Variants in LRRC38 observed in about 807,000 individuals in gnomAD.
LRRC38 encodes leucine-rich repeat-containing protein 38.
A neutral mutation model predicts 16.4 loss-of-function variants in LRRC38; 5 were observed. That is an observed-to-expected ratio of 0.31 (90% CI 0.16 to 0.64). The LOEUF (loss-of-function observed/expected upper bound fraction) is 0.64, where lower values mean the gene tolerates loss of function less well. Ranked by LOEUF, LRRC38 falls within the 30% of genes least tolerant of loss-of-function variation. The probability of loss-of-function intolerance (pLI) is 0.80; values close to 1 mark genes in which losing one functional copy is unlikely to be tolerated. For missense variants in LRRC38, 341 were observed against 401.8 expected (o/e 0.85, Z 1.29); for synonymous variants, 191 against 190.2 (o/e 1.00, Z -0.04).
chr1:13,490,730 G>A (rs2100502991), intron 1 of LRRC38, among the ~76,000 whole-genome samples: 1 of 152,268 alleles, frequency 6.6e-6, no homozygotes, highest in East Asian at 1.9e-4. Context: ...AGGAAATCTA[G>A]GAATGGTCCA....
At chr1:13,495,186 T>G (rs1053221667) in intron 1 of LRRC38, among the ~76,000 whole-genome samples, 5 of 152,174 alleles carry the variant, frequency 3.3e-5, no homozygotes, top group African/African-American at 1.2e-4. Context: ...GAGGATGAGC[T>G]GGTGACATAC....
At chr1:13,485,624 C>G (rs1638923142) in intron 1 of LRRC38, among the ~76,000 whole-genome samples, 1 of 152,066 alleles carries the variant, frequency 6.6e-6, no homozygotes, top group Non-Finnish European at 1.5e-5. Flanking sequence ...CACTAAGACC[C>G]AGAGGGTCCT....
At chr1:13,501,869 T>G (rs1339163566) in intron 1 of LRRC38, among the ~76,000 whole-genome samples, 1 of 152,110 alleles carries the variant, frequency 6.6e-6, no homozygotes, top group Non-Finnish European at 1.5e-5. Flanking sequence ...TTCACACCAT[T>G]CTCCTGCCTC....
rs1553136768 is a variant in LRRC38, at chr1:13,504,864, AAAAAGAGAAAG to A, written c.631+8088_631+8098del. 5.0e-5 allele frequency among the ~76,000 whole-genome samples: 7 copies of A among 139,830 alleles called. No homozygotes were observed. The South Asian group carries it at 1.8e-3, about 36-fold the overall frequency. The allele number at this position is 139,830 out of a possible 152,430, so 91.7% of individuals were successfully genotyped here. A position where few individuals can be genotyped will look rare whatever the true frequency, so the allele number is the denominator to read the frequency against. On this transcript the variant is annotated intron_variant, in intron 1 of 1. Transcript: ENST00000376085. ...AAAGAAAGAAAAGAAAAGAAAAAAG[AAAAAGAGAAAG>A]AAAAGAGAAACAAAGAAAGAAAAAA...
At position 13,487,755 on chromosome 1, in the gene LRRC38, T is replaced by G. The variant is rs16850719; in HGVS notation, c.632-11656A>C. 6.6e-4 allele frequency among the ~76,000 whole-genome samples: 100 copies of G among 152,262 alleles called. No individual in the cohort carries two copies. Among genetic ancestry groups the G allele is most frequent in the African/African-American group, 2.4e-3 (100 of 41,548 alleles). ...AGCGGATGTTAGATTGAGATTAATC[T>G]CTTGCACCGGACCGGCCCCTTGCCA... On this transcript the variant is annotated intron_variant, in intron 1 of 1. Transcript: ENST00000376085. The surrounding 1 kb of genome is among the most constrained non-coding windows in gnomAD (Gnocchi z 4.4).
intron 1 of LRRC38, among the ~76,000 whole-genome samples, chr1:13,485,662 T>G (rs948054871): frequency 2.6e-5 from 4 of 152,116 alleles, no homozygotes; most frequent in Non-Finnish European, 5.9e-5. Context: ...GCACAATGTC[T>G]TGTCAATCTG....
Position 13,513,313 on chromosome 1 carries a change from G to T in LRRC38, c.281C>A (p.Ser94Ter), listed in dbSNP as rs1392717877. The T allele has an allele frequency of 1.3e-6, 2 of 1,550,802 alleles. No homozygotes were observed. Among genetic ancestry groups the T allele is most frequent in the African/African-American group, 2.7e-5 (2 of 73,050 alleles). ...YLDFRNNSLR[S>*]LEEGTFSGSA... ...GCCGCTGAACGTGCCCTCCTCCAGC[G>T]AGCGCAGCGAGTTGTTCCTGAAGTC... The change falls in exon 1 of 2, where the codon TCG (serine) becomes TAG (stop). Residue 94 changes from serine to a stop codon, truncating the protein, a stop_gained. Transcript: ENST00000376085. LOFTEE classifies it high-confidence loss of function.
chr1:13,477,220 TC>T (rs1380554991), intron 1 of LRRC38, among the ~76,000 whole-genome samples: 1 of 152,236 alleles, frequency 6.6e-6, no homozygotes, highest in Non-Finnish European at 1.5e-5. Context: ...TCCTCTACTC[TC>T]AGAGAGTTTA....
chr1:13,501,491 T>C (rs1424795675), intron 1 of LRRC38, among the ~76,000 whole-genome samples: 1 of 150,392 alleles, frequency 6.6e-6, no homozygotes, highest in Non-Finnish European at 1.5e-5. Context: ...TCACTCCAAC[T>C]TCCAACTCCT....
At chr1:13,505,297 A>AGCT (rs774346497) in intron 1 of LRRC38, among the ~76,000 whole-genome samples, 113 of 152,304 alleles carry the variant, frequency 7.4e-4, no homozygotes, top group Non-Finnish European at 1.5e-3. Context: ...GCATAGCAGG[A>AGCT]GCTGCGGCTC....
intron 1 of LRRC38, among the ~76,000 whole-genome samples, chr1:13,509,924 G>A (rs2100527739): frequency 1.3e-5 from 2 of 152,182 alleles, no homozygotes; most frequent in South Asian, 2.1e-4. Context: ...AGATCCCCAG[G>A]CCTCAGCCCC....
chr1:13,481,837 G>A (rs1557495450), intron 1 of LRRC38, among the ~76,000 whole-genome samples: 1 of 148,028 alleles, frequency 6.8e-6, no homozygotes, highest in East Asian at 2.0e-4. Flanking sequence ...GCCATGTGAG[G>A]ACCCAGAAAG....
intron 1 of LRRC38, among the ~76,000 whole-genome samples, chr1:13,510,718 T>C (rs2990678): frequency 0.6 from 90,586 of 151,700 alleles, 28,022 homozygotes; most frequent in Middle Eastern, 0.72. Context: ...AAGACGGTGT[T>C]CTTTACAGAG....
chr1:13,509,753 G>A (rs542712010), intron 1 of LRRC38, among the ~76,000 whole-genome samples: 8 of 152,098 alleles, frequency 5.3e-5, no homozygotes, highest in East Asian at 3.9e-4. Flanking sequence ...GGAGACTTAC[G>A]GTCCTCCTAC....
intron 1 of LRRC38, among the ~76,000 whole-genome samples, chr1:13,508,546 A>G (rs1463450923): frequency 2.0e-5 from 3 of 152,258 alleles, no homozygotes; most frequent in African/African-American, 7.2e-5. Context: ...ATCTGTTTAC[A>G]TATATGTAAG....
At chr1:13,507,944 C>T (rs774166981) in intron 1 of LRRC38, among the ~76,000 whole-genome samples, 46 of 150,862 alleles carry the variant, frequency 3.0e-4, no homozygotes, top group Admixed American at 5.9e-4. Flanking sequence ...AAAAAAAAAG[C>T]ATAGACTTGT....
rs546030960 is a variant in LRRC38 at position 13,475,030 on chromosome 1, G to C, written c.*816C>G. The C allele has an allele frequency of 6.6e-6, 1 of 152,316 alleles. No homozygotes were observed. Among genetic ancestry groups the C allele is most frequent in the Non-Finnish European group, 1.5e-5 (1 of 68,090 alleles). The allele number at this position is 152,316 out of a possible 1,614,324, so 9.4% of individuals were successfully genotyped here. ...TCCCAGTTCTGGAGGCTGGAAGTCT[G>C]AGATCTGGGTGCCAGCATGGCTGGG... On this transcript the variant is annotated 3_prime_UTR_variant, in exon 2 of 2. Coordinates refer to ENST00000376085, the MANE Select transcript of LRRC38 (RefSeq NM_001010847.2). This position sits in a 1 kb window ranked among gnomAD's most constrained non-coding sequence, Gnocchi z 4.3.
intron 1 of LRRC38, among the ~76,000 whole-genome samples, chr1:13,492,659 A>G (rs1012434270): frequency 6.6e-5 from 10 of 151,952 alleles, no homozygotes; most frequent in African/African-American, 2.4e-4. Context: ...CTGAGATCGC[A>G]CCAGTGCACT....
At chr1:13,500,638 T>C (rs1214367802) in intron 1 of LRRC38, among the ~76,000 whole-genome samples, 2 of 152,186 alleles carry the variant, frequency 1.3e-5, no homozygotes, top group African/African-American at 4.8e-5. Flanking sequence ...CTAAAATGTA[T>C]AAAACCAAGC....
Sources: gnomAD v4.1 joint callset for allele counts (sites outside exome capture counted in the v4.1 genomes callset) on GRCh38, gnomAD v4.1.1 for gene constraint, Gnocchi (gnomAD v3.1) non-coding constraint, MANE v1.5 for transcripts, NCBI Gene and HGNC (gene_info 2026-07-23, HGNC 2026-07-21) for gene names.